USP50: variants seen among roughly 807,000 people sequenced by gnomAD.
USP50 encodes ubiquitin carboxyl-terminal hydrolase 50.
Under a neutral mutation model 39.2 loss-of-function variants are expected in USP50, and 37 were observed. The ratio of observed to expected loss-of-function variants is 0.94; its 90% CI spans 0.73 to 1.24. USP50 has a LOEUF of 1.24. Ranked by LOEUF, USP50 falls within the 50% of genes most tolerant of loss-of-function variation. The probability of loss-of-function intolerance (pLI) is 0.00; values close to 1 mark genes in which losing one functional copy is unlikely to be tolerated. For missense variants in USP50, 374 were observed against 398.2 expected, an observed-to-expected ratio of 0.94 and a Z score of 0.52; for synonymous variants, 139 against 144.5, an observed-to-expected ratio of 0.96 and a Z score of 0.27.
chr15:50,531,941 G>GTTT (rs2141372467), intron 5 of USP50: 25 of 331,888 alleles, frequency 7.5e-5, no homozygotes, highest in South Asian at 6.0e-4. Flanking sequence ...AGAGCAGTGA[G>GTTT]GTCACAGGAC....
chr15:50,519,680 A>G (rs1039330464), intron 6 of USP50, among the ~76,000 whole-genome samples: 1 of 151,988 alleles, frequency 6.6e-6, no homozygotes, highest in Non-Finnish European at 1.5e-5. Flanking sequence ...GTGCCACTGC[A>G]GTCCAGCCTG....
At chr15:50,513,575 T>C (rs1315674738) in intron 6 of USP50, 1 of 140,558 alleles carries the variant, frequency 7.1e-6, no homozygotes, top group Non-Finnish European at 1.5e-5. Context: ...AATTTAAAAA[T>C]GTACACTCAA....
At chr15:50,541,387 T>C in intron 3 of USP50, 123 bp from the exon 4 acceptor site, 1 of 730,026 alleles carries the variant, frequency 1.4e-6, no homozygotes. Context: ...GTGGCACACA[T>C]CTGTGGTGCC....
At chr15:50,537,518 T>TAA (rs546956781) in intron 5 of USP50, among the ~76,000 whole-genome samples, 1 of 135,696 alleles carries the variant, frequency 7.4e-6, no homozygotes, top group African/African-American at 2.7e-5. Flanking sequence ...AGCCATGGAC[T>TAA]AAAAAAAAAA....
At chr15:50,496,219 A>G (rs2052396440), downstream of USP50, 2 of 688,638 alleles carry the variant, frequency 2.9e-6, no homozygotes, top group East Asian at 2.8e-5. Context: ...AGTGGCTCAT[A>G]CCTTGTACTC....
chr15:50,533,153 T>A, intron 5 of USP50, among the ~76,000 whole-genome samples: 1 of 133,356 alleles, frequency 7.5e-6, no homozygotes, highest in African/African-American at 2.9e-5. Flanking sequence ...GCCCCCACCA[T>A]GCCTCCTAAA....
At chr15:50,526,111 C>T (rs1050836344) in intron 6 of USP50, among the ~76,000 whole-genome samples, 6 of 152,012 alleles carry the variant, frequency 3.9e-5, no homozygotes, top group Non-Finnish European at 5.9e-5. Context: ...TAGGCCGGAG[C>T]GCAGTGGCAC....
intron 1 of USP50, 27 bp from the exon 2 acceptor site, chr15:50,544,808 G>A (rs2053059236): frequency 1.9e-6 from 3 of 1,597,324 alleles, no homozygotes; most frequent in African/African-American, 2.7e-5. Context: ...TGGGAAGAAA[G>A]GGTTTTGAGA....
chr15:50,542,462 GT>G (rs889254066), intron 3 of USP50, among the ~76,000 whole-genome samples: 83 of 107,916 alleles, frequency 7.7e-4, no homozygotes, highest in African/African-American at 1.4e-3. Context: ...ATATGTTTTT[GT>G]TTTTTTTTTT....
chr15:50,510,373 C>A (rs895523266), intron 6 of USP50: 6 of 150,664 alleles, frequency 4.0e-5, no homozygotes, highest in Admixed American at 4.0e-4. Context: ...ATGTTCCAAC[C>A]AAATTAAAAC....
At chr15:50,540,247 C>T (rs1202899748) in intron 4 of USP50, among the ~76,000 whole-genome samples, 1 of 152,104 alleles carries the variant, frequency 6.6e-6, no homozygotes, top group East Asian at 1.9e-4. Context: ...TAACTTTTGG[C>T]GTTGTGGTGA....
At chr15:50,497,154 T>C, downstream of USP50, 1 of 1,610,852 alleles carries the variant, frequency 6.2e-7, no homozygotes, top group African/African-American at 1.3e-5. Flanking sequence ...ACTGCAGTCA[T>C]TGCAGAGCTC....
downstream of USP50, chr15:50,496,914 T>G: frequency 1.4e-6 from 1 of 731,358 alleles, no homozygotes; most frequent in Non-Finnish European, 2.1e-6. Context: ...TGTGCTGTCA[T>G]TGTTCACTTG....
At chr15:50,544,091 G>A (rs1238865825) in intron 2 of USP50, 4 of 358,760 alleles carry the variant, frequency 1.1e-5, no homozygotes, top group African/African-American at 4.1e-5. Context: ...ACTTTGGGGG[G>A]CCGAGGTGGT....
At position 50,513,077 on chromosome 15, in the gene USP50, G is replaced by A. The variant is rs570505912; in HGVS notation, c.937-12240C>T. The stretch of plus-strand genomic sequence containing the variant: ...CATACAATAGGAAAAACTAAAATGA[G>A]ATAATTTTGTATCCATTAGATGGCA... On this transcript the variant is annotated intron_variant, in intron 6 of 6. Coordinates refer to ENST00000532404, the MANE Select transcript of USP50 (RefSeq NM_203494.5). 5 of 152,274 alleles carry A rather than the reference G, an allele frequency of 3.3e-5. No homozygotes were observed. In the South Asian group the frequency reaches 1.0e-3, roughly 32 times the overall value. The allele number at this position is 152,274 out of a possible 1,614,324, so 9.4% of individuals were successfully genotyped here.
intron 1 of USP50, among the ~76,000 whole-genome samples, chr15:50,545,654 CAT>C (rs34715659): frequency 0.15 from 22,160 of 151,476 alleles, 2,207 homozygotes; most frequent in Admixed American, 0.28. Context: ...TAAGAGCACA[CAT>C]ATGTGTATAT....
At chr15:50,529,994 C>A in intron 5 of USP50, 65 bp from the exon 6 acceptor site, 1 of 1,591,308 alleles carries the variant, frequency 6.3e-7, no homozygotes. Context: ...GTCTACATGA[C>A]AAATTCCGAG....
chr15:50,532,540 T>C (rs1203762269), intron 5 of USP50, among the ~76,000 whole-genome samples: 1 of 151,996 alleles, frequency 6.6e-6, no homozygotes, highest in African/African-American at 2.4e-5. Flanking sequence ...CACCCCATCA[T>C]TAAGGTCTAT....
intron 1 of USP50, among the ~76,000 whole-genome samples, chr15:50,495,487 G>C (rs1038734155): frequency 2.4e-5 from 3 of 123,770 alleles, no homozygotes; most frequent in Admixed American, 8.3e-5. Flanking sequence ...AGAGATTGGA[G>C]GGGGGGGTCT....
Sources: gnomAD v4.1 joint callset for allele counts (sites outside exome capture counted in the v4.1 genomes callset) on GRCh38, gnomAD v4.1.1 for gene constraint, MANE v1.5 for transcripts, NCBI Gene and HGNC (gene_info 2026-07-23, HGNC 2026-07-21) for gene names.